PTPRA: variants seen among roughly 807,000 people sequenced by gnomAD.
PTPRA encodes the protein receptor-type tyrosine-protein phosphatase alpha.
Under a neutral mutation model 104.8 loss-of-function variants are expected in PTPRA, and 25 were observed. That is an observed-to-expected ratio of 0.24 (90% CI 0.17 to 0.33). The LOEUF (loss-of-function observed/expected upper bound fraction) is 0.33, where lower values mean the gene tolerates loss of function less well. PTPRA is among the 10% of genes least tolerant of loss of function. The pLI, the probability that PTPRA is intolerant of heterozygous loss-of-function variation, is 1.00. For synonymous variants in PTPRA, 323 were observed against 368.9 expected, an observed-to-expected ratio of 0.88 and a Z score of 1.43; for missense variants, 765 against 1,015.3, an observed-to-expected ratio of 0.75 and a Z score of 3.35.
chr20:2,885,503 C>G (rs573977508), intron 1 of PTPRA, among the ~76,000 whole-genome samples: 1 of 152,182 alleles, frequency 6.6e-6, no homozygotes, highest in Non-Finnish European at 1.5e-5. Context: ...GTGTGACAAT[C>G]TTCTGATCAA....
intron 1 of PTPRA, among the ~76,000 whole-genome samples, chr20:2,878,239 G>A (rs1428146574): frequency 1.3e-5 from 2 of 152,022 alleles, no homozygotes; most frequent in East Asian, 3.9e-4. Flanking sequence ...TTTGAGACAG[G>A]GTCTCACTCT....
At chr20:2,897,529 A>C (rs2059056401) in intron 1 of PTPRA, among the ~76,000 whole-genome samples, 1 of 151,780 alleles carries the variant, frequency 6.6e-6, no homozygotes, top group African/African-American at 2.4e-5. Flanking sequence ...CTGGGGTTAC[A>C]GGCACCCGCC....
chr20:2,964,391 T>C (rs2061871217), intron 4 of PTPRA, 41 bp downstream of exon 4: 1 of 1,505,226 alleles, frequency 6.6e-7, no homozygotes. Flanking sequence ...GAAATGAAAT[T>C]TTGCTTTCAC....
At chr20:2,982,911 G>A (rs923099826) in intron 6 of PTPRA, among the ~76,000 whole-genome samples, 2 of 151,968 alleles carry the variant, frequency 1.3e-5, no homozygotes, top group Non-Finnish European at 2.9e-5. Flanking sequence ...TGTTGGCCAA[G>A]CTGGTCTCGA....
chr20:2,968,521 A>C (rs1191937457), intron 5 of PTPRA, among the ~76,000 whole-genome samples: 1 of 124,598 alleles, frequency 8.0e-6, no homozygotes, highest in African/African-American at 4.0e-5. Flanking sequence ...TCAAATTCTT[A>C]ATATTTGGAT....
chr20:3,036,140 C>G (rs2065788694), intron 22 of PTPRA, among the ~76,000 whole-genome samples, 199 bp downstream of exon 22: 1 of 152,128 alleles, frequency 6.6e-6, no homozygotes, highest in Admixed American at 6.5e-5. Context: ...ACAATAAGTG[C>G]TAGGGGACTA....
intron 1 of PTPRA, among the ~76,000 whole-genome samples, chr20:2,892,808 C>T (rs1259444699): frequency 6.6e-6 from 1 of 152,186 alleles, no homozygotes; most frequent in Admixed American, 6.6e-5. Context: ...AGTTTAGTGG[C>T]AGCAGAACTA....
At chr20:3,007,229 T>C (rs562896576) in intron 10 of PTPRA, 115 bp from the exon 11 acceptor site, 1 of 970,098 alleles carries the variant, frequency 1.0e-6, no homozygotes. Flanking sequence ...GTGGCATCTT[T>C]ATACAAGCGT....
intron 3 of PTPRA, among the ~76,000 whole-genome samples, chr20:2,957,475 A>G (rs1365916418): frequency 1.3e-5 from 2 of 152,224 alleles, no homozygotes; most frequent in East Asian, 1.9e-4. Flanking sequence ...CCAGATTGCC[A>G]TGGAGAGACA....
chr20:2,865,298 T>G, the PTPRA span: 1 of 1,614,176 alleles, frequency 6.2e-7, no homozygotes, highest in Admixed American at 1.7e-5. This position sits in a 1 kb window ranked among gnomAD's most constrained non-coding sequence, Gnocchi z 5.2. Context: ...GGCACGTGAC[T>G]TCCGCATCCC....
chr20:3,016,573 C>T (rs1044332514), intron 12 of PTPRA, among the ~76,000 whole-genome samples: 1 of 152,154 alleles, frequency 6.6e-6, no homozygotes, highest in Non-Finnish European at 1.5e-5. Flanking sequence ...CATAGTGAAA[C>T]CCCGTCTCTA....
chr20:2,874,368 TTAC>T (rs1007264088), intron 1 of PTPRA, among the ~76,000 whole-genome samples: 1 of 151,706 alleles, frequency 6.6e-6, no homozygotes. Flanking sequence ...AAAAAATTAG[TTAC>T]TAATTATATC....
chr20:2,919,635 C>CT (rs2060031426), intron 1 of PTPRA, among the ~76,000 whole-genome samples: 1 of 151,514 alleles, frequency 6.6e-6, no homozygotes, highest in Non-Finnish European at 1.5e-5. Context: ...CCTCCACTCA[C>CT]TCTCAAGGAT....
chr20:2,991,962 TA>T (rs2063195484), intron 9 of PTPRA, among the ~76,000 whole-genome samples: 2 of 152,234 alleles, frequency 1.3e-5, no homozygotes, highest in South Asian at 4.1e-4. Context: ...TTCTCTTTTA[TA>T]CACATTCAAA....
At chr20:2,940,666 T>C (rs2060877209) in intron 2 of PTPRA, among the ~76,000 whole-genome samples, 1 of 152,094 alleles carries the variant, frequency 6.6e-6, no homozygotes, top group Non-Finnish European at 1.5e-5. Flanking sequence ...GCTCATGGGA[T>C]CCTCCTGTCT....
At position 3,022,470 on chromosome 20, in the gene PTPRA, A is replaced by G. The variant is rs1453738515; in HGVS notation, c.1329-219A>G. On this transcript the variant is annotated intron_variant, in intron 15 of 23. Transcript: ENST00000399903. This position sits in a 1 kb window ranked among gnomAD's most constrained non-coding sequence, Gnocchi z 4.6. ...GCTATGAAGCCAAAAGACTGGGTCA[A>G]GTGCTGGCCATGTATTTTTGCAGCC... Among the ~76,000 whole-genome samples the G allele has an allele frequency of 1.3e-5, 2 of 152,220 alleles. No individual in the cohort carries two copies. Among genetic ancestry groups the G allele is most frequent in the Admixed American group, 6.5e-5 (1 of 15,286 alleles).
At chr20:2,937,640 C>T (rs1297701342) in intron 2 of PTPRA, among the ~76,000 whole-genome samples, 1 of 152,076 alleles carries the variant, frequency 6.6e-6, no homozygotes, top group Non-Finnish European at 1.5e-5. Flanking sequence ...TATAGACACA[C>T]ACACACCCTT....
chr20:2,881,589 C>T (rs1368623930), intron 1 of PTPRA, among the ~76,000 whole-genome samples: 1 of 152,164 alleles, frequency 6.6e-6, no homozygotes, highest in African/African-American at 2.4e-5. Context: ...AATGATAGCT[C>T]ACTGCAGCAT....
intron 9 of PTPRA, among the ~76,000 whole-genome samples, chr20:2,998,177 CAAAA>C (rs11475589): frequency 2.4e-5 from 2 of 83,188 alleles, no homozygotes; most frequent in African/African-American, 5.4e-5. Context: ...GACTCTGTCT[CAAAA>C]AAAAAAAAAA....
Sources: gnomAD v4.1 joint callset for allele counts (sites outside exome capture counted in the v4.1 genomes callset) on GRCh38, gnomAD v4.1.1 for gene constraint, Gnocchi (gnomAD v3.1) non-coding constraint, MANE v1.5 for transcripts, NCBI Gene and HGNC (gene_info 2026-07-23, HGNC 2026-07-21) for gene names.